MAPK4: variants seen among roughly 807,000 people sequenced by gnomAD.
The protein encoded by MAPK4 is Erk3-related.
A neutral mutation model predicts 47.7 loss-of-function variants in MAPK4; 22 were observed. That is an observed-to-expected ratio of 0.46 (90% confidence interval 0.33 to 0.66). MAPK4 has a LOEUF of 0.66. Among genes scored for constraint, MAPK4 ranks in the 30% least tolerant of loss-of-function variants. The pLI, the probability that MAPK4 is intolerant of heterozygous loss-of-function variation, is 0.02. For missense variants in MAPK4, 736 were observed against 831.7 expected, an observed-to-expected ratio of 0.88 and a Z score of 1.42; for synonymous variants, 390 against 365.7, an observed-to-expected ratio of 1.07 and a Z score of -0.76.
intron 1 of MAPK4, among the ~76,000 whole-genome samples, chr18:50,578,192 T>C (rs1218749709): frequency 6.6e-6 from 1 of 152,190 alleles, no homozygotes; most frequent in Non-Finnish European, 1.5e-5. Flanking sequence ...TGCAGCTGTT[T>C]TAAACTGCGA....
At chr18:50,722,538 T>C (rs1024589470) in intron 4 of MAPK4, among the ~76,000 whole-genome samples, 1 of 151,994 alleles carries the variant, frequency 6.6e-6, no homozygotes, top group African/African-American at 2.4e-5. Context: ...CTCCCTCTAC[T>C]GTATATTCAA....
At chr18:50,604,540 A>T (rs1402182862) in intron 1 of MAPK4, among the ~76,000 whole-genome samples, 1 of 152,222 alleles carries the variant, frequency 6.6e-6, no homozygotes, top group Non-Finnish European at 1.5e-5. Flanking sequence ...AATCCTAAAC[A>T]GTTTTATAGA....
At position 50,618,183 on chromosome 18, in the gene MAPK4, G is replaced by C. The variant is rs922657929; in HGVS notation, c.-870-44906G>C. Among the ~76,000 whole-genome samples, 6 of 152,144 alleles carry C rather than the reference G, an allele frequency of 3.9e-5. No individual in the cohort carries two copies. The South Asian group carries it at 1.0e-3, about 26-fold the overall frequency. On this transcript the variant is annotated intron_variant, in intron 1 of 5. Coordinates refer to ENST00000400384, the MANE Select transcript of MAPK4 (RefSeq NM_002747.4). ...TGAAGCTAACCTACCTCCATCTCCA[G>C]GCTTAACCTACTGAGCTCTCCCATC... is the stretch of plus-strand genomic sequence containing the variant.
At chr18:50,605,726 C>A (rs1202292902) in intron 1 of MAPK4, among the ~76,000 whole-genome samples, 2 of 152,174 alleles carry the variant, frequency 1.3e-5, no homozygotes, top group Admixed American at 6.5e-5. Flanking sequence ...ACCCATGGCC[C>A]AGCCTCCTTC....
chr18:50,635,871 A>G (rs1217892812), intron 1 of MAPK4, among the ~76,000 whole-genome samples: 1 of 152,128 alleles, frequency 6.6e-6, no homozygotes, highest in Non-Finnish European at 1.5e-5. Context: ...CAAAGGCCCC[A>G]GGATGTGACC....
intron 1 of MAPK4, among the ~76,000 whole-genome samples, chr18:50,565,186 T>C (rs935408228): frequency 6.6e-6 from 1 of 152,204 alleles, no homozygotes; most frequent in Non-Finnish European, 1.5e-5. Context: ...CAAAATGGAA[T>C]TGTTAAACCT....
chr18:50,575,781 G>T (rs1598787981), intron 1 of MAPK4, among the ~76,000 whole-genome samples: 3 of 40,760 alleles, frequency 7.4e-5, no homozygotes, highest in South Asian at 7.5e-4. Flanking sequence ...GAACTTAAAT[G>T]AATCAACAAG....
chr18:50,729,522 G>T lies in MAPK4; in HGVS notation c.1432G>T (p.Asp478Tyr). 2 of 1,437,622 alleles carry T rather than the reference G, an allele frequency of 1.4e-6. No individual in the cohort carries two copies. Among genetic ancestry groups the T allele is most frequent in the Non-Finnish European group, 1.8e-6 (2 of 1,095,670 alleles). 89.1% of individuals were successfully genotyped at this position (1,437,622 alleles called of 1,614,324 possible). A position where few individuals can be genotyped will look rare whatever the true frequency, so the allele number is the denominator to read the frequency against. The change falls in exon 6 of 6, where the codon GAC becomes TAC. Residue 478 changes from aspartate to tyrosine, a missense_variant. Physicochemically the swap from Asp to Tyr is radical, Grantham distance 160. Transcript: ENST00000400384. ...GAPPTATGLA[D>Y]TGAREDEPAS... ...GCCCCCCACGGCCACGGGGCTGGCG[G>T]ACACGGGGGCGCGCGAGGACGAGCC...
intron 2 of MAPK4, among the ~76,000 whole-genome samples, chr18:50,711,096 G>A (rs1910336463): frequency 6.6e-6 from 1 of 152,214 alleles, no homozygotes; most frequent in African/African-American, 2.4e-5. Context: ...AGGCAGCTGG[G>A]ATCGAGGGCT....
At chr18:50,720,899 T>C (rs111361877) in intron 3 of MAPK4, among the ~76,000 whole-genome samples, 138 of 152,184 alleles carry the variant, frequency 9.1e-4, no homozygotes, top group African/African-American at 3.0e-3. Context: ...CAGGGAACTG[T>C]GGGGGCACCT....
chr18:50,644,059 G>C lies in MAPK4; in HGVS notation c.-870-19030G>C, dbSNP rs182839191. ...GATCCACATCTTAGTAGAAATCTGA[G>C]TTGCCTCCCCTTCTCTTTGCAGCTG... On this transcript the variant is annotated intron_variant, in intron 1 of 5. Coordinates refer to ENST00000400384, the MANE Select transcript of MAPK4 (RefSeq NM_002747.4). Among the ~76,000 whole-genome samples the C allele has an allele frequency of 7.0e-4, 106 of 152,158 alleles. 1 individual carries two copies. Among genetic ancestry groups the C allele is most frequent in the African/African-American group, 2.5e-3 (103 of 41,512 alleles).
intron 1 of MAPK4, among the ~76,000 whole-genome samples, chr18:50,574,260 T>C (rs1197012772): frequency 6.6e-6 from 1 of 152,218 alleles, no homozygotes; most frequent in Non-Finnish European, 1.5e-5. Flanking sequence ...CATATATTCA[T>C]TCCTTAGTCT....
At chr18:50,697,437 T>C (rs186656706) in intron 2 of MAPK4, among the ~76,000 whole-genome samples, 208 of 152,268 alleles carry the variant, frequency 1.4e-3, no homozygotes, top group African/African-American at 4.8e-3. Flanking sequence ...ATTCAATAAA[T>C]GTATTCATTG....
rs768923919 is a variant in MAPK4, at chr18:50,729,229, G to A, written c.1139G>A (p.Arg380His). ...DRCQDASEVQ[R>H]DPRAGSAPLA... ...TGCCAGGACGCCAGCGAGGTACAGCGCGACCCGCGCGCGGGTTCGGCGCCA... is the reference window on the plus strand; with the variant it reads ...TGCCAGGACGCCAGCGAGGTACAGCACGACCCGCGCGCGGGTTCGGCGCCA... The change falls in exon 6 of 6, where the codon CGC (arginine) becomes CAC (histidine). Residue 380 changes from arginine (R) to histidine (H), a missense_variant. Around this residue, in one of 3 missense-constraint regions of MAPK4, gnomAD observed 377 missense variants for 378.6 expected, o/e 1.00. Coordinates refer to ENST00000400384, the MANE Select transcript of MAPK4 (RefSeq NM_002747.4). 1 of 1,607,796 alleles carries A rather than the reference G, an allele frequency of 6.2e-7. No homozygotes were observed. Among genetic ancestry groups the A allele is most frequent in the South Asian group, 1.1e-5 (1 of 90,868 alleles).
At chr18:50,707,683 C>A (rs987207770) in intron 2 of MAPK4, among the ~76,000 whole-genome samples, 2 of 151,130 alleles carry the variant, frequency 1.3e-5, no homozygotes, top group African/African-American at 2.4e-5. Flanking sequence ...AAATGGTGAA[C>A]TTTATGGTAT....
At chr18:50,673,276 CA>C (rs540998479) in intron 2 of MAPK4, among the ~76,000 whole-genome samples, 44 of 152,162 alleles carry the variant, frequency 2.9e-4, no homozygotes, top group African/African-American at 1.0e-3. Context: ...AACTCCGCCT[CA>C]AAAAAATAAA....
intron 1 of MAPK4, among the ~76,000 whole-genome samples, chr18:50,634,694 C>T (rs971360354): frequency 1.3e-5 from 2 of 152,116 alleles, no homozygotes; most frequent in East Asian, 3.9e-4. Flanking sequence ...AATTAGGGAG[C>T]CAGGGAACAA....
chr18:50,724,135 C>T (rs1911074884), intron 4 of MAPK4, among the ~76,000 whole-genome samples: 2 of 152,132 alleles, frequency 1.3e-5, no homozygotes, highest in African/African-American at 2.4e-5. Context: ...CCTCAGCCTC[C>T]CGAGTAGCTG....
At position 50,726,152 on chromosome 18, in the gene MAPK4, C is replaced by T. The variant is rs766599064; in HGVS notation, c.1044C>T (p.Ser348=). ...VLMAANQSQL[S]NWDTCSSRYP... ...TGGCCGCTAACCAGAGCCAGCTGTC[C>T]AACTGGGACACGTGCAGTTCCAGGT... The change falls in exon 5 of 6, where the codon TCC becomes TCT. Residue 348 remains serine (S), a synonymous_variant. Transcript: ENST00000400384. 5.6e-6 allele frequency: 9 copies of T among 1,613,966 alleles called. No individual in the cohort carries two copies. The highest frequency in any genetic ancestry group is 7.6e-6 in the Non-Finnish European group (9 of 1,180,056).
Sources: allele counts gnomAD v4.1 joint callset (sites outside exome capture counted in the v4.1 genomes callset), GRCh38; gene constraint gnomAD v4.1.1; regional missense constraint gnomAD v4.1.1; transcripts MANE v1.5; gene names NCBI Gene and HGNC (gene_info 2026-07-23, HGNC 2026-07-21).